The following TEX36 variants were observed in gnomAD, a reference collection of about 807,000 sequenced individuals.
The protein encoded by TEX36 is testis expressed 36, also known as testis-expressed protein 36.
In TEX36, 12 loss-of-function variants were observed where a neutral mutation model predicts 13.6. The ratio of observed to expected loss-of-function variants is 0.88; its 90% CI spans 0.56 to 1.43. TEX36 has a LOEUF of 1.43. Ranked by LOEUF, TEX36 falls within the 40% of genes most tolerant of loss-of-function variation. The probability of loss-of-function intolerance (pLI) is 0.00; values close to 1 mark genes in which losing one functional copy is unlikely to be tolerated. For missense variants in TEX36, 224 were observed against 228.3 expected (o/e 0.98, Z 0.12); for synonymous variants, 93 against 83.0 (o/e 1.12, Z -0.65).
At chr10:125,592,398 A>G (rs998858946) in intron 3 of TEX36, among the ~76,000 whole-genome samples, 2 of 151,992 alleles carry the variant, frequency 1.3e-5, no homozygotes, top group Non-Finnish European at 2.9e-5. Flanking sequence ...CACAAATACA[A>G]CATATTTTTT....
intron 1 of TEX36, among the ~76,000 whole-genome samples, chr10:125,674,370 C>T (rs1262207781): frequency 6.6e-6 from 1 of 152,158 alleles, no homozygotes; most frequent in African/African-American, 2.4e-5. Flanking sequence ...AGAACATGCT[C>T]CTTTAGCTCA....
chr10:125,642,578 T>C (rs1036340217), intron 3 of TEX36, among the ~76,000 whole-genome samples: 2 of 152,252 alleles, frequency 1.3e-5, no homozygotes, highest in Admixed American at 6.5e-5. Context: ...TAGTTGTATG[T>C]ATTTCCTAAA....
At chr10:125,668,060 A>C in intron 1 of TEX36, 1 of 634,152 alleles carries the variant, frequency 1.6e-6, no homozygotes, top group Non-Finnish European at 2.8e-6. Flanking sequence ...GGGATCTCCT[A>C]AAATAACTGA....
intron 3 of TEX36, among the ~76,000 whole-genome samples, chr10:125,588,318 A>T (rs988957770): frequency 6.6e-6 from 1 of 152,180 alleles, no homozygotes; most frequent in Admixed American, 6.5e-5. Context: ...GTAGTATCTT[A>T]GTGTAGTTGT....
intron 3 of TEX36, among the ~76,000 whole-genome samples, chr10:125,627,894 C>CT (rs371032114): frequency 6.6e-6 from 1 of 152,194 alleles, no homozygotes; most frequent in African/African-American, 2.4e-5. Flanking sequence ...GCGGTAACAC[C>CT]TAGAATATCA....
At chr10:125,576,996 GA>G in intron 3 of TEX36, 1 of 1,303,654 alleles carries the variant, frequency 7.7e-7, no homozygotes, top group Non-Finnish European at 1.0e-6. Context: ...ACACCCCAGA[GA>G]AGGATTTAGT....
downstream of TEX36, among the ~76,000 whole-genome samples, chr10:125,650,814 T>C (rs1846840956): frequency 6.6e-6 from 1 of 152,076 alleles, no homozygotes; most frequent in Non-Finnish European, 1.5e-5. Context: ...ATCAAGGGGA[T>C]ATCACCACCG....
intron 3 of TEX36, among the ~76,000 whole-genome samples, chr10:125,615,154 G>C (rs1436609806): frequency 1.3e-5 from 2 of 152,144 alleles, no homozygotes; most frequent in Non-Finnish European, 2.9e-5. Context: ...CTTTGCTGAA[G>C]TTGCTTATCA....
chr10:125,586,711 G>T (rs1182933454), intron 3 of TEX36, among the ~76,000 whole-genome samples: 1 of 151,582 alleles, frequency 6.6e-6, no homozygotes, highest in Non-Finnish European at 1.5e-5. Flanking sequence ...GGAGGCTGAA[G>T]GGGGAGGATT....
chr10:125,626,574 G>T (rs1846493184), intron 3 of TEX36, among the ~76,000 whole-genome samples: 1 of 152,188 alleles, frequency 6.6e-6, no homozygotes, highest in African/African-American at 2.4e-5. Flanking sequence ...TTCCCCTGGA[G>T]AGCTCACAGT....
At chr10:125,660,544 C>T (rs1051295514) in intron 3 of TEX36, among the ~76,000 whole-genome samples, 1 of 152,184 alleles carries the variant, frequency 6.6e-6, no homozygotes, top group Admixed American at 6.5e-5. Context: ...GCTGTGTGAA[C>T]CACCACTGTA....
intron 3 of TEX36, among the ~76,000 whole-genome samples, chr10:125,605,167 C>T (rs1400695632): frequency 6.6e-6 from 1 of 152,204 alleles, no homozygotes; most frequent in Non-Finnish European, 1.5e-5. Flanking sequence ...GCACGCAGGG[C>T]AGCTGGGCCC....
At chr10:125,626,526 C>T (rs539149263) in intron 3 of TEX36, among the ~76,000 whole-genome samples, 6 of 152,328 alleles carry the variant, frequency 3.9e-5, no homozygotes, top group Non-Finnish European at 5.9e-5. Flanking sequence ...GCTTGCTCCA[C>T]ACAGAAGTGA....
At chr10:125,648,527 G>T (rs1246204122) in intron 3 of TEX36, among the ~76,000 whole-genome samples, 1 of 152,196 alleles carries the variant, frequency 6.6e-6, no homozygotes, top group African/African-American at 2.4e-5. Context: ...AAGACAAAAG[G>T]TAGATAGAAC....
chr10:125,604,877 G>A (rs1846196651), intron 3 of TEX36, among the ~76,000 whole-genome samples: 1 of 151,728 alleles, frequency 6.6e-6, no homozygotes, highest in Non-Finnish European at 1.5e-5. Flanking sequence ...ACCCCCAGAA[G>A]GGACTATCTA....
At chr10:125,668,725 CT>C (rs1398581544) in intron 1 of TEX36, among the ~76,000 whole-genome samples, 1 of 152,090 alleles carries the variant, frequency 6.6e-6, no homozygotes, top group African/African-American at 2.4e-5. Flanking sequence ...AGTTCTGGCT[CT>C]GGTCTTTATT....
At chr10:125,579,655 G>T (rs1845862284) in intron 3 of TEX36, among the ~76,000 whole-genome samples, 1 of 152,138 alleles carries the variant, frequency 6.6e-6, no homozygotes, top group African/African-American at 2.4e-5. Context: ...GGAGGTGATT[G>T]GATCATGGGG....
chr10:125,668,193 G>A (rs1193055438), intron 1 of TEX36, among the ~76,000 whole-genome samples: 2 of 152,046 alleles, frequency 1.3e-5, no homozygotes, highest in African/African-American at 4.8e-5. Flanking sequence ...AATGAATTAG[G>A]GAGAATTCCC....
chr10:125,588,127 G>C (rs993315302), intron 3 of TEX36, among the ~76,000 whole-genome samples: 4 of 152,168 alleles, frequency 2.6e-5, no homozygotes, highest in African/African-American at 9.7e-5. Flanking sequence ...ATATCTCTAG[G>C]ATAAACTCTT....
Sources: allele counts gnomAD v4.1 joint callset (sites outside exome capture counted in the v4.1 genomes callset), GRCh38; gene constraint gnomAD v4.1.1; transcripts MANE v1.5; gene names NCBI Gene and HGNC (gene_info 2026-07-23, HGNC 2026-07-21).